TANC2: variants seen among roughly 807,000 people sequenced by gnomAD.
TANC2 encodes the protein tetratricopeptide repeat, ankyrin repeat and coiled-coil containing 2.
A neutral mutation model predicts 210.5 loss-of-function variants in TANC2; 26 were observed. That is an observed-to-expected ratio of 0.12 (90% confidence interval 0.09 to 0.17). TANC2 has a LOEUF of 0.17. TANC2 is among the 10% of genes least tolerant of loss of function. The pLI, the probability that TANC2 is intolerant of heterozygous loss-of-function variation, is 1.00. For missense variants in TANC2, 2,129 were observed against 2,608.9 expected, an observed-to-expected ratio of 0.82 and a Z score of 4.01; for synonymous variants, 931 against 967.1, an observed-to-expected ratio of 0.96 and a Z score of 0.69.
In TANC2 at chr17:63,418,525, C is replaced by A. The variant is rs571105350; in HGVS notation, c.4268+118C>A. 7.0e-4 allele frequency: 606 copies of A among 866,378 alleles called. No individual in the cohort carries two copies. Among genetic ancestry groups the A allele is most frequent in the Non-Finnish European group, 1.0e-3 (574 of 567,144 alleles). 53.7% of individuals were successfully genotyped at this position (866,378 alleles called of 1,614,324 possible). On this transcript the variant is annotated intron_variant, in intron 27 of 27. Coordinates refer to ENST00000689528, the Ensembl canonical transcript of TANC2. The surrounding 1 kb of genome is among the most constrained non-coding windows in gnomAD (Gnocchi z 4.6). ...ATACATCTCTGTCCTTGAGAACTGT[C>A]AGGGCCAAGCTTTGGGGATGGCTCC... is the stretch of plus-strand genomic sequence containing the variant.
rs1013753866 is a variant in TANC2 at position 63,389,298 on chromosome 17, T to C, written c.2815-10T>C. ...TTGTCTAATTATTAGTTCTGTTTGT[T>C]TATTTCTAGGTCAGCCGACTGCTGA... On this transcript the variant is annotated splice_polypyrimidine_tract_variant and intron_variant, in intron 16 of 27. Coordinates refer to ENST00000689528, the Ensembl canonical transcript of TANC2. 9 of 1,603,950 alleles carry C rather than the reference T, an allele frequency of 5.6e-6. No homozygotes were observed. Among genetic ancestry groups the C allele is most frequent in the Non-Finnish European group, 7.7e-6 (9 of 1,172,440 alleles).
chr17:63,081,037 C>G (rs2036752834), intron 3 of TANC2, among the ~76,000 whole-genome samples: 1 of 152,008 alleles, frequency 6.6e-6, no homozygotes, highest in Non-Finnish European at 1.5e-5. Flanking sequence ...CCTTTTCATT[C>G]TGATATATAA....
chr17:63,290,303 T>G (rs1358248840), intron 9 of TANC2, among the ~76,000 whole-genome samples: 1 of 152,168 alleles, frequency 6.6e-6, no homozygotes, highest in Non-Finnish European at 1.5e-5. Context: ...CAGCAATTTG[T>G]CAGTAGCAAG....
intron 21 of TANC2, among the ~76,000 whole-genome samples, chr17:63,408,335 A>G (rs950256540): frequency 6.6e-6 from 1 of 152,232 alleles, no homozygotes; most frequent in Non-Finnish European, 1.5e-5. Context: ...ACTGCATGAG[A>G]AAGAAAAGAG....
chr17:63,170,446 A>G (rs2040365987), intron 5 of TANC2, among the ~76,000 whole-genome samples: 1 of 151,902 alleles, frequency 6.6e-6, no homozygotes, highest in Non-Finnish European at 1.5e-5. Context: ...AAAAAAAAAA[A>G]AAAAAGAAAG....
chr17:63,141,428 A>ATGG (rs948610747), intron 4 of TANC2, among the ~76,000 whole-genome samples: 1 of 134,250 alleles, frequency 7.4e-6, no homozygotes, highest in Non-Finnish European at 1.6e-5. Context: ...TTAGCCCGGC[A>ATGG]TGGTGGTGCA....
At chr17:63,203,338 A>G (rs930265012) in intron 7 of TANC2, among the ~76,000 whole-genome samples, 3 of 152,202 alleles carry the variant, frequency 2.0e-5, no homozygotes, top group African/African-American at 7.2e-5. Flanking sequence ...ATCCTACTAA[A>G]TATGAATATC....
rs377655340 is a variant in TANC2 at position 63,124,943 on chromosome 17, G to A, written c.322+25586G>A. On this transcript the variant is annotated intron_variant, in intron 4 of 27. Coordinates refer to ENST00000689528, the Ensembl canonical transcript of TANC2. Reference sequence around the variant, plus strand: ...CCACCCCCAACAAAAATTGTCTTCCGCAAAATGGGTCTCTGGTGCCCAAAA... The same window carrying A: ...CCACCCCCAACAAAAATTGTCTTCCACAAAATGGGTCTCTGGTGCCCAAAA... 2.1e-4 allele frequency among the ~76,000 whole-genome samples: 32 copies of A among 152,214 alleles called. 1 individual carries two copies. In the East Asian group the frequency reaches 2.3e-3, roughly 11 times the overall value.
intron 4 of TANC2, among the ~76,000 whole-genome samples, chr17:63,105,950 T>C (rs2037807526): frequency 6.6e-6 from 1 of 151,678 alleles, no homozygotes; most frequent in South Asian, 2.1e-4. Flanking sequence ...AGAGACCACA[T>C]GTTTTTGTAA....
At chr17:63,015,937 CATT>C (rs1048830300) in intron 2 of TANC2, among the ~76,000 whole-genome samples, 1 of 151,092 alleles carries the variant, frequency 6.6e-6, no homozygotes, top group Non-Finnish European at 1.5e-5. Context: ...TGTTTGATAT[CATT>C]GTGTCATTGT....
At position 63,253,524 on chromosome 17, in the gene TANC2, G is replaced by T. The variant is rs958206817; in HGVS notation, c.1034-14224G>T. Among the ~76,000 whole-genome samples the T allele has an allele frequency of 1.5e-4, 23 of 152,256 alleles. No homozygotes were observed. In the East Asian group the frequency reaches 3.7e-3, roughly 24 times the overall value. On this transcript the variant is annotated intron_variant, in intron 8 of 27. Transcript: ENST00000689528. ...CGAAGAAACCTTTGCCCAGACCAGG[G>T]TTCTGAAAAATTTCTTCAGTGTTTT...
rs192540507 is a variant in TANC2 at position 63,149,467 on chromosome 17, A to T, written c.323-1803A>T. ...TTTCATTATTTAAAAAATGTTTTTAAGATTTTAAGATATATAGAGTCCCTT... is the reference window on the plus strand; with the variant it reads ...TTTCATTATTTAAAAAATGTTTTTATGATTTTAAGATATATAGAGTCCCTT... On this transcript the variant is annotated intron_variant, in intron 4 of 27. Transcript: ENST00000689528. 2.6e-5 allele frequency: 4 copies of T among 152,140 alleles called. 1 individual carries two copies. The highest frequency in any genetic ancestry group is 2.0e-4 in the Admixed American group (3 of 15,284). The allele number at this position is 152,140 out of a possible 1,614,324, so 9.4% of individuals were successfully genotyped here.
chr17:63,081,931 C>T (rs750327872), intron 3 of TANC2, among the ~76,000 whole-genome samples: 2 of 151,804 alleles, frequency 1.3e-5, no homozygotes, highest in African/African-American at 4.8e-5. Flanking sequence ...TTGGGAGGCC[C>T]AAGGCGGGTG....
At chr17:62,982,370 A>T (rs1370472457) in intron 1 of TANC2, among the ~76,000 whole-genome samples, 1 of 152,216 alleles carries the variant, frequency 6.6e-6, no homozygotes, top group East Asian at 1.9e-4. Context: ...AAACAAAAAA[A>T]TTAGTTCTCC....
At position 63,165,172 on chromosome 17, in the gene TANC2, G is replaced by A. The variant is rs367991125; in HGVS notation, c.433+13792G>A. On this transcript the variant is annotated intron_variant, in intron 5 of 27. Coordinates refer to ENST00000689528, the Ensembl canonical transcript of TANC2. ...GGCTGTAGTCTGAGCTACTTGGGAG[G>A]CTGAGGCAGGAGGAACGCTTCAGCC... 3.0e-3 allele frequency among the ~76,000 whole-genome samples: 453 copies of A among 152,122 alleles called. 1 individual carries two copies. Among genetic ancestry groups the A allele is most frequent in the African/African-American group, 0.01 (435 of 41,502 alleles).
At chr17:63,363,004 C>G (rs9889385) in intron 14 of TANC2, among the ~76,000 whole-genome samples, 521 of 152,334 alleles carry the variant, frequency 3.4e-3, no homozygotes, top group African/African-American at 0.012. Context: ...TACAAGTGTT[C>G]CCTTTTCTCC....
At chr17:62,969,396 C>T (rs193298436) in intron 1 of TANC2, among the ~76,000 whole-genome samples, 4 of 152,332 alleles carry the variant, frequency 2.6e-5, no homozygotes, top group Admixed American at 2.6e-4. Context: ...ATTGCCCTCT[C>T]ACTCAAGGTA....
At chr17:63,237,720 C>T in intron 7 of TANC2, 94 bp from the exon 8 acceptor site, 3 of 1,316,960 alleles carry the variant, frequency 2.3e-6, no homozygotes, top group Non-Finnish European at 2.0e-6. Context: ...AAAATGGTGT[C>T]CTTTCCCCAA....
chr17:63,205,788 C>T (rs978897632), intron 7 of TANC2, among the ~76,000 whole-genome samples: 2 of 151,916 alleles, frequency 1.3e-5, no homozygotes, highest in African/African-American at 2.4e-5. Flanking sequence ...GTGGCACAAG[C>T]CTGTAATCCC....
Sources: gnomAD v4.1 joint callset for allele counts (sites outside exome capture counted in the v4.1 genomes callset) on GRCh38, gnomAD v4.1.1 for gene constraint, Gnocchi (gnomAD v3.1) non-coding constraint, MANE v1.5 for transcripts, NCBI Gene and HGNC (gene_info 2026-07-23, HGNC 2026-07-21) for gene names.